DYNLL1: variants seen among roughly 807,000 people sequenced by gnomAD.
DYNLL1 encodes dynein light chain LC8-type 1, also known as dynein light chain 1, cytoplasmic.
Under a neutral mutation model 10.1 loss-of-function variants are expected in DYNLL1, and 3 were observed. That is an observed-to-expected ratio of 0.30 (90% confidence interval 0.14 to 0.77). The LOEUF (loss-of-function observed/expected upper bound fraction) is 0.77, where lower values mean the gene tolerates loss of function less well. DYNLL1 is among the 30% of genes least tolerant of loss of function. The pLI is 0.66. For synonymous variants in DYNLL1, 46 were observed against 41.2 expected, an observed-to-expected ratio of 1.12 and a Z score of -0.45; for missense variants, 47 against 111.7, an observed-to-expected ratio of 0.42 and a Z score of 2.61.
At chr12:120,470,295 C>T (rs1480342925) in intron 1 of DYNLL1, among the ~76,000 whole-genome samples, 2 of 152,122 alleles carry the variant, frequency 1.3e-5, no homozygotes, top group African/African-American at 2.4e-5. Context: ...CGGGCAGAGT[C>T]TGAGGCCACA....
In DYNLL1 at chr12:120,498,254, A is replaced by G; in HGVS notation, c.*44A>G. The G allele has an allele frequency of 6.3e-7, 1 of 1,575,602 alleles. No individual in the cohort carries two copies. Among genetic ancestry groups the G allele is most frequent in the Non-Finnish European group, 8.6e-7 (1 of 1,167,150 alleles). ...ACACCCAGTGATCCATCCAAAAACA[A>G]GGACTGCAGCCTAAATTCCAAATAC... On this transcript the variant is annotated 3_prime_UTR_variant, in exon 3 of 3. Coordinates refer to ENST00000242577, the MANE Select transcript of DYNLL1 (RefSeq NM_003746.3).
At chr12:120,486,373 G>C (rs1346783255) in intron 1 of DYNLL1, among the ~76,000 whole-genome samples, 2 of 152,054 alleles carry the variant, frequency 1.3e-5, no homozygotes, top group East Asian at 1.9e-4. Context: ...GATAAGTTTG[G>C]GGGTACCAAG....
At chr12:120,496,720 AC>A in intron 2 of DYNLL1, 167 bp downstream of exon 2, 2 of 1,023,470 alleles carry the variant, frequency 2.0e-6, no homozygotes, top group Non-Finnish European at 2.8e-6. Flanking sequence ...TGTGGAGAAG[AC>A]CAGACCCCCG....
In DYNLL1 at chr12:120,496,788, G is replaced by A; in HGVS notation, c.132+235G>A. 3 of 623,254 alleles carry A rather than the reference G, an allele frequency of 4.8e-6. No individual in the cohort carries two copies. The East Asian group carries it at 8.4e-5, about 17-fold the overall frequency. 38.6% of individuals were successfully genotyped at this position (623,254 alleles called of 1,614,324 possible). On this transcript the variant is annotated intron_variant, in intron 2 of 2. Coordinates refer to ENST00000242577, the MANE Select transcript of DYNLL1 (RefSeq NM_003746.3). ...TTACCCAGCTCCGCGGGGGGAAAGCGCCACCTAGCAACGGTATCTAAGATC... is the reference window on the plus strand; with the variant it reads ...TTACCCAGCTCCGCGGGGGGAAAGCACCACCTAGCAACGGTATCTAAGATC...
Position 120,496,123 on chromosome 12 carries a change from C to G in DYNLL1, c.-100C>G, listed in dbSNP as rs1868375949. The G allele has an allele frequency of 2.0e-6, 1 of 497,234 alleles. No homozygotes were observed. The highest frequency in any genetic ancestry group is 3.7e-5 in the East Asian group (1 of 27,146). 30.8% of individuals were successfully genotyped at this position (497,234 alleles called of 1,614,324 possible). On this transcript the variant is annotated 5_prime_UTR_variant, in exon 1 of 3. Coordinates refer to ENST00000242577, the MANE Select transcript of DYNLL1 (RefSeq NM_003746.3). Reference sequence around the variant, plus strand: ...GGCGTGGGGCTGCTTAGATGCGCCACGGTTTCGGTAGCGACGGTATCTCTA... The same window carrying G: ...GGCGTGGGGCTGCTTAGATGCGCCAGGGTTTCGGTAGCGACGGTATCTCTA...
chr12:120,470,799 C>A (rs1345301155), intron 1 of DYNLL1, among the ~76,000 whole-genome samples: 1 of 151,450 alleles, frequency 6.6e-6, no homozygotes, highest in Non-Finnish European at 1.5e-5. Flanking sequence ...AATCCCAACA[C>A]TTTGAGAGGC....
chr12:120,491,656 G>C (rs917961305), upstream of DYNLL1: 1 of 152,358 alleles, frequency 6.6e-6, no homozygotes, highest in Non-Finnish European at 1.5e-5. Context: ...TGTGGATGAG[G>C]TGAGGAGAGC....
chr12:120,486,565 C>G (rs1225067540), intron 1 of DYNLL1, among the ~76,000 whole-genome samples: 1 of 151,580 alleles, frequency 6.6e-6, no homozygotes, highest in Non-Finnish European at 1.5e-5. Context: ...AACTCTTGGG[C>G]TCAAGCAATC....
In DYNLL1 at chr12:120,483,742, CAA is replaced by C. The variant is rs370056451; in HGVS notation, c.-6-12673_-6-12672del. 1.5e-3 allele frequency among the ~76,000 whole-genome samples: 231 copies of C among 152,214 alleles called. 1 individual carries two copies. The highest frequency in any genetic ancestry group is 4.8e-3 in the African/African-American group (200 of 41,510). ...TTAAAGCCATGAAAATGGAGACTCC[CAA>C]GAGAGAGTTTAAATAGAGAAGTAGC... On this transcript the variant is annotated intron_variant, in intron 1 of 2. Transcript: ENST00000392509.
At position 120,496,569 on chromosome 12, in the gene DYNLL1, G is replaced by A; in HGVS notation, c.132+16G>A. The A allele has an allele frequency of 6.2e-7, 1 of 1,613,692 alleles. No individual in the cohort carries two copies. Among genetic ancestry groups the A allele is most frequent in the Non-Finnish European group, 8.5e-7 (1 of 1,179,912 alleles). On this transcript the variant is annotated intron_variant, in intron 2 of 2. Transcript: ENST00000242577. ...TATCAAGAAGGTGAGGATGGGCGCG[G>A]GGGCCGATACGCAGCCGGGAGCAGG...
At position 120,496,563 on chromosome 12, in the gene DYNLL1, G is replaced by C; in HGVS notation, c.132+10G>C. 1 of 1,613,756 alleles carries C rather than the reference G, an allele frequency of 6.2e-7. No individual in the cohort carries two copies. The highest frequency in any genetic ancestry group is 8.5e-7 in the Non-Finnish European group (1 of 1,179,934). ...GGCTCATATCAAGAAGGTGAGGATG[G>C]GCGCGGGGGCCGATACGCAGCCGGG... is the stretch of plus-strand genomic sequence containing the variant. On this transcript the variant is annotated intron_variant, in intron 2 of 2. Transcript: ENST00000242577.
intron 1 of DYNLL1, among the ~76,000 whole-genome samples, chr12:120,489,852 A>G (rs1212582179): frequency 6.6e-6 from 1 of 152,032 alleles, no homozygotes; most frequent in African/African-American, 2.4e-5. Flanking sequence ...GGTTCAAGCA[A>G]TTCTCCTGCC....
At chr12:120,480,067 T>C (rs370805111) in intron 1 of DYNLL1, among the ~76,000 whole-genome samples, 10 of 152,256 alleles carry the variant, frequency 6.6e-5, no homozygotes, top group South Asian at 4.1e-4. Flanking sequence ...AAAAGGATGC[T>C]TGTTTGGAAG....
intron 1 of DYNLL1, among the ~76,000 whole-genome samples, chr12:120,489,150 C>T (rs552581669): frequency 1.3e-5 from 2 of 152,196 alleles, no homozygotes; most frequent in African/African-American, 4.8e-5. Context: ...TCCATCTACA[C>T]GTACTCCGCC....
chr12:120,487,503 TGTTA>T (rs1879025322), intron 1 of DYNLL1, among the ~76,000 whole-genome samples: 1 of 151,908 alleles, frequency 6.6e-6, no homozygotes, highest in South Asian at 2.1e-4. Flanking sequence ...GGTTTCACCG[TGTTA>T]GTCAGGATGG....
At chr12:120,486,366 A>G (rs1417193135) in intron 1 of DYNLL1, among the ~76,000 whole-genome samples, 1 of 152,222 alleles carries the variant, frequency 6.6e-6, no homozygotes, top group East Asian at 1.9e-4. Flanking sequence ...CTAAGATGAT[A>G]AGTTTGGGGG....
rs371108765 is a variant in DYNLL1 at position 120,479,137 on chromosome 12, C to T, written c.-7+9033C>T. ...CGAGAACACACCACTGCACAGCAAC[C>T]TGGGTGACAGAGCAAGTCTCCGTGT... On this transcript the variant is annotated intron_variant, in intron 1 of 2. Transcript: ENST00000392509. 1.1e-4 allele frequency among the ~76,000 whole-genome samples: 17 copies of T among 148,722 alleles called. 1 individual carries two copies. The East Asian group carries it at 3.4e-3, about 29-fold the overall frequency.
chr12:120,496,412 C>A lies in DYNLL1; in HGVS notation c.-6-4C>A, dbSNP rs762200228. On this transcript the variant is annotated splice_region_variant and splice_polypyrimidine_tract_variant and intron_variant, in intron 1 of 2. Transcript: ENST00000242577. ...AACCCCTTACCCCAGGCCTTGCCCA[C>A]TAGGTAACCATGTGCGACCGAAAGG... 1 of 1,613,966 alleles carries A rather than the reference C, an allele frequency of 6.2e-7. No homozygotes were observed. The highest frequency in any genetic ancestry group is 8.5e-7 in the Non-Finnish European group (1 of 1,180,030).
chr12:120,486,145 C>A (rs7963543), intron 1 of DYNLL1, among the ~76,000 whole-genome samples: 119,544 of 152,160 alleles, frequency 0.79, 47,352 homozygotes, highest in Admixed American at 0.85. Context: ...TGGCTGCACT[C>A]ATTACATTAT....
Sources: gnomAD v4.1 joint callset for allele counts (sites outside exome capture counted in the v4.1 genomes callset) on GRCh38, gnomAD v4.1.1 for gene constraint, MANE v1.5 for transcripts, NCBI Gene and HGNC (gene_info 2026-07-23, HGNC 2026-07-21) for gene names.